RWDD4: variants seen among roughly 807,000 people sequenced by gnomAD.
RWDD4 encodes RWD domain-containing protein 4.
A neutral mutation model predicts 30.0 loss-of-function variants in RWDD4; 16 were observed. That is an observed-to-expected ratio of 0.53 (90% confidence interval 0.36 to 0.81). RWDD4 has a LOEUF of 0.81. RWDD4 is among the 30% of genes least tolerant of loss of function. The pLI is 0.00. For missense variants in RWDD4, 170 were observed against 223.9 expected (o/e 0.76, Z 1.54); for synonymous variants, 45 against 72.1 (o/e 0.62, Z 1.90).
chr4:183,643,497 C>T (rs890569149), intron 7 of RWDD4, among the ~76,000 whole-genome samples: 2 of 142,620 alleles, frequency 1.4e-5, no homozygotes, highest in Non-Finnish European at 3.0e-5. Context: ...ATAGTTTTGA[C>T]CTTGTGTACC....
At chr4:183,652,146 A>T (rs1461024782) in intron 2 of RWDD4, among the ~76,000 whole-genome samples, 2 of 152,206 alleles carry the variant, frequency 1.3e-5, no homozygotes, top group African/African-American at 4.8e-5. Flanking sequence ...TAACCACAAG[A>T]TCATTATTAC....
intron 1 of RWDD4, among the ~76,000 whole-genome samples, chr4:183,656,677 ATT>A (rs1383959860): frequency 3.3e-5 from 5 of 152,328 alleles, no homozygotes; most frequent in African/African-American, 1.2e-4. Flanking sequence ...CATGTCATGA[ATT>A]CTACAAACTA....
intron 1 of RWDD4, among the ~76,000 whole-genome samples, chr4:183,657,820 C>T (rs939136750): frequency 6.6e-6 from 1 of 152,194 alleles, no homozygotes; most frequent in African/African-American, 2.4e-5. Flanking sequence ...AAGATCAGAA[C>T]ATCGGTCATC....
At chr4:183,645,849 C>T (rs555649310) in intron 7 of RWDD4, among the ~76,000 whole-genome samples, 1 of 152,240 alleles carries the variant, frequency 6.6e-6, no homozygotes, top group East Asian at 1.9e-4. Flanking sequence ...CTTCAGTTTC[C>T]ATATATTGTT....
chr4:183,652,704 G>C (rs1287217205), intron 2 of RWDD4, among the ~76,000 whole-genome samples: 1 of 151,798 alleles, frequency 6.6e-6, no homozygotes. Flanking sequence ...CAGCTGCTCA[G>C]GAGGCTGAGG....
At position 183,655,917 on chromosome 4, in the gene RWDD4, A is replaced by G. The variant is rs771020822; in HGVS notation, c.69T>C (p.Ser23=). 4 of 1,611,812 alleles carry G rather than the reference A, an allele frequency of 2.5e-6. No individual in the cohort carries two copies. Among genetic ancestry groups the G allele is most frequent in the East Asian group, 2.2e-5 (1 of 44,812 alleles). ...ALRSIYEGDE[S]FRELSPVSFQ... is the part of the protein sequence containing the mutation. ...AAGAAACTGGACTTAATTCCCGGAAACTTTCATCTCCTTCATAAATAGAGC... is the reference window on the plus strand; with the variant it reads ...AAGAAACTGGACTTAATTCCCGGAAGCTTTCATCTCCTTCATAAATAGAGC... The change falls in exon 2 of 8, where the codon AGT becomes AGC. Residue 23 remains serine (S), a synonymous_variant. Coordinates refer to ENST00000326397, the MANE Select transcript of RWDD4 (RefSeq NM_152682.4).
chr4:183,649,212 G>A (rs1469091534), intron 5 of RWDD4, among the ~76,000 whole-genome samples: 1 of 152,090 alleles, frequency 6.6e-6, no homozygotes, highest in Non-Finnish European at 1.5e-5. Context: ...TCAGGAGTTC[G>A]AGACCAGCCT....
intron 1 of RWDD4, among the ~76,000 whole-genome samples, chr4:183,656,533 T>G (rs1734197334): frequency 6.6e-6 from 1 of 152,210 alleles, no homozygotes; most frequent in Non-Finnish European, 1.5e-5. Context: ...TAGTAATCCT[T>G]GCTTGGACAT....
intron 2 of RWDD4, among the ~76,000 whole-genome samples, chr4:183,653,951 G>A (rs1454011522): frequency 1.3e-5 from 2 of 152,118 alleles, no homozygotes; most frequent in African/African-American, 4.8e-5. Context: ...GAAGAAATGG[G>A]GAACGGCTAA....
At chr4:183,652,310 T>G (rs1734093114) in intron 2 of RWDD4, among the ~76,000 whole-genome samples, 1 of 151,830 alleles carries the variant, frequency 6.6e-6, no homozygotes, top group South Asian at 2.1e-4. Flanking sequence ...CGAGTTGTTA[T>G]GCCTCTTTAT....
intron 2 of RWDD4, 30 bp from the exon 3 acceptor site, chr4:183,651,357 A>G (rs1332646526): frequency 6.0e-6 from 9 of 1,509,732 alleles, no homozygotes; most frequent in Non-Finnish European, 8.2e-6. Context: ...TTAGGCTTGT[A>G]AAAGGTGATA....
At chr4:183,657,193 G>A (rs932052253) in intron 1 of RWDD4, among the ~76,000 whole-genome samples, 7 of 152,040 alleles carry the variant, frequency 4.6e-5, no homozygotes, top group Admixed American at 6.5e-5. Context: ...ATAAAACACC[G>A]ACTATATAGA....
chr4:183,646,631 G>A, intron 5 of RWDD4, 94 bp from the exon 6 acceptor site: 2 of 1,072,722 alleles, frequency 1.9e-6, no homozygotes, highest in Non-Finnish European at 2.7e-6. Flanking sequence ...CAACAAATAG[G>A]TTAAAAATTT....
chr4:183,641,751 T>C (rs974074359), intron 7 of RWDD4, among the ~76,000 whole-genome samples: 1 of 152,254 alleles, frequency 6.6e-6, no homozygotes, highest in Middle Eastern at 3.4e-3. Flanking sequence ...ACCAAGAATA[T>C]ACAAATAGAA....
At chr4:183,654,209 T>G (rs997779542) in intron 2 of RWDD4, among the ~76,000 whole-genome samples, 2 of 152,160 alleles carry the variant, frequency 1.3e-5, no homozygotes, top group South Asian at 4.1e-4. Context: ...CAGAAGGATT[T>G]GGAGTGTCAA....
chr4:183,646,396 G>T, intron 6 of RWDD4, 43 bp from the exon 7 acceptor site: 1 of 1,521,238 alleles, frequency 6.6e-7, no homozygotes, highest in Non-Finnish European at 9.1e-7. Flanking sequence ...GAATTCCAAA[G>T]GTTGTGAAGG....
In RWDD4 at chr4:183,659,158, G is replaced by C. The variant is rs1268825945; in HGVS notation, c.-206C>G. The C allele has an allele frequency of 4.9e-6, 2 of 405,614 alleles. No individual in the cohort carries two copies. Among genetic ancestry groups the C allele is most frequent in the African/African-American group, 2.1e-5 (1 of 48,628 alleles). The allele number at this position is 405,614 out of a possible 1,614,324, so 25.1% of individuals were successfully genotyped here. A position where few individuals can be genotyped will look rare whatever the true frequency, so the allele number is the denominator to read the frequency against. ...GCAGTGGGCTGTGGGCTACGAGCCGGAGCCGCGGCTGGTGGGGCCTGGGAA... is the reference window on the plus strand; with the variant it reads ...GCAGTGGGCTGTGGGCTACGAGCCGCAGCCGCGGCTGGTGGGGCCTGGGAA... On this transcript the variant is annotated 5_prime_UTR_variant, in exon 1 of 8. Transcript: ENST00000326397.
chr4:183,642,786 C>T (rs190727713), intron 7 of RWDD4, among the ~76,000 whole-genome samples: 10 of 151,832 alleles, frequency 6.6e-5, no homozygotes, highest in African/African-American at 2.2e-4. Flanking sequence ...TGGCTGGGCG[C>T]GGTGGCTCAC....
At chr4:183,647,802 C>G (rs1417670478) in intron 5 of RWDD4, among the ~76,000 whole-genome samples, 1 of 152,116 alleles carries the variant, frequency 6.6e-6, no homozygotes, top group Non-Finnish European at 1.5e-5. Context: ...AGAATGAATT[C>G]TTAGATTTTT....
Sources: allele counts gnomAD v4.1 joint callset (sites outside exome capture counted in the v4.1 genomes callset), GRCh38; gene constraint gnomAD v4.1.1; transcripts MANE v1.5; gene names NCBI Gene and HGNC (gene_info 2026-07-23, HGNC 2026-07-21).